Variants in PCNX3 observed in about 807,000 individuals in gnomAD.
The protein encoded by PCNX3 is pecanex 3.
PCNX3 carries 58 observed loss-of-function variants against 207.2 expected under a neutral mutation model. The observed-to-expected ratio is 0.28, with a 90% CI of 0.23 to 0.35. The LOEUF (loss-of-function observed/expected upper bound fraction) is 0.35. Ranked by LOEUF, PCNX3 falls within the 10% of genes least tolerant of loss-of-function variation. PCNX3 has a pLI of 1.00. For synonymous variants in PCNX3, 1,337 were observed against 1,183.5 expected, an observed-to-expected ratio of 1.13 and a Z score of -2.66; for missense variants, 2,410 against 2,774.4, an observed-to-expected ratio of 0.87 and a Z score of 2.95.
At position 65,625,615 on chromosome 11, in the gene PCNX3, C is replaced by T; in HGVS notation, c.3136-37C>T. 6.3e-7 allele frequency: 1 copy of T among 1,599,520 alleles called. No homozygotes were observed. The highest frequency in any genetic ancestry group is 8.5e-7 in the Non-Finnish European group (1 of 1,171,006). On this transcript the variant is annotated intron_variant, in intron 18 of 34. Coordinates refer to ENST00000355703, the MANE Select transcript of PCNX3 (RefSeq NM_032223.4). The surrounding 1 kb of genome is among the most constrained non-coding windows in gnomAD (Gnocchi z 5.6). ...GCTGCTGGGCAGCTGAGTGTCTCTCCTGGCCGGGCAGCTGAATGTCTCTCC... is the reference window on the plus strand; with the variant it reads ...GCTGCTGGGCAGCTGAGTGTCTCTCTTGGCCGGGCAGCTGAATGTCTCTCC...
Position 65,625,982 on chromosome 11 carries a change from A to C in PCNX3, c.3307A>C (p.Lys1103Gln), listed in dbSNP as rs765078614. The stretch of plus-strand genomic sequence containing the variant: ...ACATTACCTGCTGCCACAACTCCGC[A>C]AACAGCTGCCCTGGTTCTGCCTGTC... ...FTHYLLPQLR[K>Q]QLPWFCLSQP... Residue 1103 changes from lysine to glutamine, a missense_variant, in exon 20 of 35, where the codon AAA becomes CAA. Coordinates refer to ENST00000355703, the MANE Select transcript of PCNX3 (RefSeq NM_032223.4). This position sits in a 1 kb window ranked among gnomAD's most constrained non-coding sequence, Gnocchi z 5.6. 6.2e-7 allele frequency: 1 copy of C among 1,613,816 alleles called. No individual in the cohort carries two copies. Among genetic ancestry groups the C allele is most frequent in the South Asian group, 1.1e-5 (1 of 91,082 alleles).
intron 6 of PCNX3, 32 bp from the exon 7 acceptor site, chr11:65,619,504 GT>G: frequency 6.2e-7 from 1 of 1,606,450 alleles, no homozygotes; most frequent in South Asian, 1.1e-5. Context: ...CTGAGCATCT[GT>G]CACTTACACT....
rs1443994404 is a variant in PCNX3, at chr11:65,618,203, C to T, written c.841C>T (p.Pro281Ser). The T allele has an allele frequency of 1.2e-6, 2 of 1,601,818 alleles. No individual in the cohort carries two copies. Among genetic ancestry groups the T allele is most frequent in the African/African-American group, 1.3e-5 (1 of 74,298 alleles). ...ACGCAGGGGGGCAGGTGGCTATCAG[C>T]CCCTTGACCGGCGGGGCTCAGGGGA... ...EQRRGAGGYQ[P>S]LDRRGSGEPT... Residue 281 changes from proline (P) to serine (S), a missense_variant, in exon 6 of 35, where the codon CCC becomes TCC. This residue lies in a region of PCNX3 where 1,104 missense variants were observed against 970.3 expected (regional missense o/e 1.14). Transcript: ENST00000355703.
In PCNX3 at chr11:65,619,939, C is replaced by G; in HGVS notation, c.2008+7C>G. On this transcript the variant is annotated splice_region_variant and intron_variant, in intron 8 of 34. Coordinates refer to ENST00000355703, the MANE Select transcript of PCNX3 (RefSeq NM_032223.4). ...TATTTCTACGATGAGAGCGGTGAGC[C>G]TTTCCCAAGCCCGGTGGCCCAGTGC... 6.3e-7 allele frequency: 1 copy of G among 1,592,128 alleles called. No homozygotes were observed. Among genetic ancestry groups the G allele is most frequent in the Non-Finnish European group, 8.6e-7 (1 of 1,165,592 alleles).
rs759191775 is a variant in PCNX3 at position 65,619,057 on chromosome 11, T to C, written c.1695T>C (p.Ala565=). ...GWRGELQEEG[A]VGGAAEETGR... is the part of the protein sequence containing the mutation. ...GGGGGGAGCTGCAGGAGGAAGGTGC[T>C]GTGGGGGGAGGTGAGTGCTTGCTCT... Residue 565 remains alanine (A), a synonymous_variant, in exon 6 of 35, where the codon GCT becomes GCC. Coordinates refer to ENST00000355703, the MANE Select transcript of PCNX3 (RefSeq NM_032223.4). 1.9e-6 allele frequency: 3 copies of C among 1,587,218 alleles called. No homozygotes were observed. The highest frequency in any genetic ancestry group is 2.6e-6 in the Non-Finnish European group (3 of 1,174,578).
chr11:65,627,719 C>G (rs753719404), intron 22 of PCNX3, 137 bp downstream of exon 22: 5 of 1,089,422 alleles, frequency 4.6e-6, no homozygotes, highest in Non-Finnish European at 6.6e-6. Context: ...GCAGCAGCCT[C>G]TCAAGGAAGG....
Position 65,627,449 on chromosome 11 carries a change from G to T in PCNX3, c.3569G>T (p.Arg1190Leu). The change falls in exon 22 of 35, where the codon CGC becomes CTC. Residue 1190 changes from arginine (R) to leucine (L), a missense_variant. Transcript: ENST00000355703. Reference protein sequence around the residue: ...LMTVAGLKLLRSAFCCPPQQY... With the variant: ...LMTVAGLKLLLSAFCCPPQQY... The stretch of plus-strand genomic sequence containing the variant: ...ACCGTGGCTGGGCTGAAGCTGCTGC[G>T]CTCAGCCTTCTGCTGCCCCCCACAG... The T allele has an allele frequency of 6.2e-7, 1 of 1,612,914 alleles. No individual in the cohort carries two copies. Among genetic ancestry groups the T allele is most frequent in the Non-Finnish European group, 8.5e-7 (1 of 1,179,868 alleles).
chr11:65,620,212 C>T, intron 8 of PCNX3, 127 bp from the exon 9 acceptor site: 1 of 1,037,262 alleles, frequency 9.6e-7, no homozygotes, highest in Non-Finnish European at 1.4e-6. Flanking sequence ...TCTCCAGAGG[C>T]TGGGCTGCCC....
At position 65,636,746 on chromosome 11, in the gene PCNX3, A is replaced by T; in HGVS notation, c.5893-20A>T. On this transcript the variant is annotated intron_variant, in intron 34 of 34. Coordinates refer to ENST00000355703, the MANE Select transcript of PCNX3 (RefSeq NM_032223.4). Reference sequence around the variant, plus strand: ...AAGGCTAAGGCCTGCTCACCCGCCAACCTCTCCCCCCTCCCCCAGGCGCCT... The same window carrying T: ...AAGGCTAAGGCCTGCTCACCCGCCATCCTCTCCCCCCTCCCCCAGGCGCCT... 3.2e-6 allele frequency: 5 copies of T among 1,544,758 alleles called. No homozygotes were observed. Among genetic ancestry groups the T allele is most frequent in the Non-Finnish European group, 4.4e-6 (5 of 1,144,000 alleles).
rs763879210 is a variant in PCNX3 at position 65,625,142 on chromosome 11, C to T, written c.2920-29C>T. The T allele has an allele frequency of 4.4e-6, 7 of 1,578,242 alleles. No individual in the cohort carries two copies. The East Asian group carries it at 9.0e-5, about 20-fold the overall frequency. The stretch of plus-strand genomic sequence containing the variant: ...CCCGGGCCCCATGCTTACCTCACCT[C>T]CCCTGACCAGCATGGATTCTCTCCG... On this transcript the variant is annotated intron_variant, in intron 16 of 34. Coordinates refer to ENST00000355703, the MANE Select transcript of PCNX3 (RefSeq NM_032223.4). This position sits in a 1 kb window ranked among gnomAD's most constrained non-coding sequence, Gnocchi z 5.6.
rs1481070177 is a variant in PCNX3 at position 65,624,919 on chromosome 11, A to G, written c.2828-6A>G. 6.2e-7 allele frequency: 1 copy of G among 1,605,460 alleles called. No individual in the cohort carries two copies. The highest frequency in any genetic ancestry group is 1.1e-5 in the South Asian group (1 of 90,396). On this transcript the variant is annotated splice_region_variant and splice_polypyrimidine_tract_variant and intron_variant, in intron 15 of 34. Transcript: ENST00000355703. ...GAGCTGGGCTGTACTTCTCCCTTCC[A>G]CACAGCTGCCACCAGCCCGCTCACG... is the stretch of plus-strand genomic sequence containing the variant.
intron 24 of PCNX3, among the ~76,000 whole-genome samples, 181 bp from the exon 25 acceptor site, chr11:65,629,176 G>T (rs58094304): frequency 6.6e-6 from 1 of 152,144 alleles, no homozygotes; most frequent in Non-Finnish European, 1.5e-5. Context: ...TAGCCTCCCA[G>T]CTTCTTGGCT....
At position 65,627,543 on chromosome 11, in the gene PCNX3, T is replaced by C; in HGVS notation, c.3663T>C (p.Phe1221=). 6.2e-7 allele frequency: 1 copy of C among 1,613,852 alleles called. No individual in the cohort carries two copies. Among genetic ancestry groups the C allele is most frequent in the Non-Finnish European group, 8.5e-7 (1 of 1,179,870 alleles). ...HFDYPRLSQG[F]LLDYFLMSLL... ...ACTACCCGCGCCTCTCCCAGGGCTT[T>C]CTGCTTGACTACTTCCTCATGTCCC... The change falls in exon 22 of 35, where the codon TTT becomes TTC. Residue 1221 remains phenylalanine, a synonymous_variant. Coordinates refer to ENST00000355703, the MANE Select transcript of PCNX3 (RefSeq NM_032223.4).
chr11:65,633,228 C>T (rs1421084266), intron 27 of PCNX3, among the ~76,000 whole-genome samples: 2 of 152,256 alleles, frequency 1.3e-5, no homozygotes, highest in Non-Finnish European at 2.9e-5. Context: ...CGGCCTTAAC[C>T]CGCCCGTGCA....
rs376924926 is a variant in PCNX3, at chr11:65,628,454, A to G, written c.3703-141A>G. 4.7e-4 allele frequency: 347 copies of G among 742,456 alleles called. 2 individuals are homozygous for G. The East Asian group carries it at 7.0e-3, about 15-fold the overall frequency. The allele number at this position is 742,456 out of a possible 1,614,324, so 46.0% of individuals were successfully genotyped here. A position where few individuals can be genotyped will look rare whatever the true frequency, so the allele number is the denominator to read the frequency against. ...GCGCCTTGAGCCATGTCCAGAGCAC[A>G]AGGGCTGGCAGTGACCTTGAGTTTG... On this transcript the variant is annotated intron_variant, in intron 22 of 34. Coordinates refer to ENST00000355703, the MANE Select transcript of PCNX3 (RefSeq NM_032223.4).
At position 65,634,563 on chromosome 11, in the gene PCNX3, C is replaced by G. The variant is rs771537248; in HGVS notation, c.4727C>G (p.Pro1576Arg). 1.2e-5 allele frequency: 20 copies of G among 1,601,918 alleles called. No homozygotes were observed. The highest frequency in any genetic ancestry group is 4.2e-6 in the Non-Finnish European group (5 of 1,177,216). The stretch of plus-strand genomic sequence containing the variant: ...CCCGTGGACCAGGATTGGAACTCCC[C>G]GCTGGTCACGCTGTGTTTTGGCCTG... ...SQPVDQDWNS[P>R]LVTLCFGLCV... Residue 1576 changes from proline to arginine, a missense_variant, in exon 29 of 35, where the codon CCG (proline) becomes CGG (arginine). Coordinates refer to ENST00000355703, the MANE Select transcript of PCNX3 (RefSeq NM_032223.4).
Position 65,617,262 on chromosome 11 carries a change from G to A in PCNX3, c.354G>A (p.Val118=). The change falls in exon 3 of 35, where the codon GTG becomes GTA. Residue 118 remains valine (V), a synonymous_variant. Coordinates refer to ENST00000355703, the MANE Select transcript of PCNX3 (RefSeq NM_032223.4). ...GDSNPPRDPG[V]EMTVFRKVSS... is the part of the protein sequence containing the mutation. ...TTTTCACCGCCAGGGACCCCGGAGT[G>A]GAGATGACAGTGTTCCGGAAAGTCA... 8 of 1,605,994 alleles carry A rather than the reference G, an allele frequency of 5.0e-6. No homozygotes were observed. The highest frequency in any genetic ancestry group is 6.8e-6 in the Non-Finnish European group (8 of 1,176,346).
chr11:65,620,764 C>G, intron 9 of PCNX3, 67 bp from the exon 10 acceptor site: 1 of 1,553,218 alleles, frequency 6.4e-7, no homozygotes, highest in Middle Eastern at 1.7e-4. Flanking sequence ...GCCTTGGCCT[C>G]GGCCTCGACC....
At chr11:65,627,611 A>G in intron 22 of PCNX3, 29 bp downstream of exon 22, 1 of 1,610,584 alleles carries the variant, frequency 6.2e-7, no homozygotes, top group East Asian at 2.2e-5. Flanking sequence ...CCCAGACCCC[A>G]GGCTGTCCAA....
Sources: allele counts gnomAD v4.1 joint callset (sites outside exome capture counted in the v4.1 genomes callset), GRCh38; gene constraint gnomAD v4.1.1; regional missense constraint gnomAD v4.1.1; non-coding constraint Gnocchi (gnomAD v3.1); transcripts MANE v1.5; gene names NCBI Gene and HGNC (gene_info 2026-07-23, HGNC 2026-07-21).